Variants in PFKFB3 observed in about 807,000 individuals in gnomAD.
The protein encoded by PFKFB3 is 6-phosphofructo-2-kinase/fructose-2,6-bisphosphatase 3.
Under a neutral mutation model 68.0 loss-of-function variants are expected in PFKFB3, and 33 were observed. The ratio of observed to expected loss-of-function variants is 0.49; its 90% CI spans 0.37 to 0.65. The LOEUF is 0.65. Ranked by LOEUF, PFKFB3 falls within the 30% of genes least tolerant of loss-of-function variation. The pLI is 0.00. For synonymous variants in PFKFB3, 315 were observed against 288.2 expected, an observed-to-expected ratio of 1.09 and a Z score of -0.94; for missense variants, 586 against 712.2, an observed-to-expected ratio of 0.82 and a Z score of 2.02.
chr10:6,180,062 G>T (rs541008299), intron 1 of PFKFB3, among the ~76,000 whole-genome samples: 34 of 151,802 alleles, frequency 2.2e-4, no homozygotes, highest in African/African-American at 7.7e-4. Flanking sequence ...ATGTGTGTGG[G>T]CCAGGCTCGG....
the PFKFB3 span, among the ~76,000 whole-genome samples, chr10:6,285,339 T>C: frequency 6.6e-6 from 1 of 152,004 alleles, no homozygotes; most frequent in Non-Finnish European, 1.5e-5. Flanking sequence ...ATTCAAGCGA[T>C]TGTCCTGCCT....
At chr10:6,204,421 A>G (rs980444548) in intron 1 of PFKFB3, among the ~76,000 whole-genome samples, 1 of 152,156 alleles carries the variant, frequency 6.6e-6, no homozygotes, top group South Asian at 2.1e-4. Context: ...CCCGGCTACT[A>G]CGTTTCTTAG....
At chr10:6,184,771 C>CTTTTTTTTT (rs35388630) in intron 1 of PFKFB3, among the ~76,000 whole-genome samples, 14 of 121,416 alleles carry the variant, frequency 1.2e-4, no homozygotes, top group African/African-American at 4.1e-4. Context: ...CGCGCCTGGC[C>CTTTTTTTTT]TTTTTTTTTT....
At chr10:6,238,477 C>CAAAAAAAAAA (rs71390201), downstream of PFKFB3, among the ~76,000 whole-genome samples, 1 of 89,556 alleles carries the variant, frequency 1.1e-5, no homozygotes, top group African/African-American at 6.9e-5. Context: ...GGTGCCATCT[C>CAAAAAAAAAA]AAAAAAAAAA....
chr10:6,275,944 C>T, the PFKFB3 span, among the ~76,000 whole-genome samples: 1 of 152,152 alleles, frequency 6.6e-6, no homozygotes, highest in South Asian at 2.1e-4. The surrounding 1 kb of genome is among the most constrained non-coding windows in gnomAD (Gnocchi z 4.9). Flanking sequence ...GACAGGCTTT[C>T]TTCATGCTGG....
At chr10:6,247,009 A>G (rs980455150) in intron 14 of PFKFB3, among the ~76,000 whole-genome samples, 20 of 152,216 alleles carry the variant, frequency 1.3e-4, no homozygotes, top group African/African-American at 4.1e-4. Flanking sequence ...CGGACATGCA[A>G]CAAGTCCCAA....
At chr10:6,258,224 A>AG (rs1337531633), downstream of PFKFB3, among the ~76,000 whole-genome samples, 1 of 152,232 alleles carries the variant, frequency 6.6e-6, no homozygotes, top group Admixed American at 6.5e-5. Flanking sequence ...ATGCACATAC[A>AG]GAAAAAAGTC....
chr10:6,305,341 T>C, the PFKFB3 span, among the ~76,000 whole-genome samples: 2 of 140,046 alleles, frequency 1.4e-5, no homozygotes, highest in African/African-American at 5.3e-5. Flanking sequence ...ATTAAAAATA[T>C]TAGGAATTTT....
the PFKFB3 span, among the ~76,000 whole-genome samples, chr10:6,313,737 C>A: frequency 9.2e-5 from 14 of 152,312 alleles, no homozygotes; most frequent in East Asian, 2.7e-3. The surrounding 1 kb of genome is among the most constrained non-coding windows in gnomAD (Gnocchi z 4.2). Context: ...CAGTTCCCAG[C>A]CTAATCCCTG....
rs1029019416 is a variant in PFKFB3, at chr10:6,170,988, C to T, written c.16+25975C>T. The stretch of plus-strand genomic sequence containing the variant: ...CTTCCTTAGGGCAAAAGGATTACTC[C>T]GTGCAGGAAGGAAATATTACAAAGT... On this transcript the variant is annotated intron_variant, in intron 1 of 14. Coordinates refer to the PFKFB3 transcript ENST00000379789. 9.9e-5 allele frequency among the ~76,000 whole-genome samples: 15 copies of T among 152,246 alleles called. No individual in the cohort carries two copies. In the East Asian group the frequency reaches 2.5e-3, roughly 25 times the overall value.
chr10:6,171,427 G>A (rs1200031280), intron 1 of PFKFB3, among the ~76,000 whole-genome samples: 3 of 145,314 alleles, frequency 2.1e-5, no homozygotes, highest in Non-Finnish European at 3.0e-5. Flanking sequence ...AGACTGTCTC[G>A]TTCTGTTGCT....
At chr10:6,177,480 C>CTTTCTTTCTTTCTTTCTTTCTT (rs200215682) in intron 1 of PFKFB3, among the ~76,000 whole-genome samples, 1 of 119,120 alleles carries the variant, frequency 8.4e-6, no homozygotes, top group Non-Finnish European at 1.8e-5. Context: ...TTCTTTCTTT[C>CTTTCTTTCTTTCTTTCTTTCTT]TTTCTTTTTC....
chr10:6,157,637 C>T (rs917421679), intron 1 of PFKFB3, among the ~76,000 whole-genome samples: 1 of 152,168 alleles, frequency 6.6e-6, no homozygotes, highest in African/African-American at 2.4e-5. Context: ...CACCCCATTT[C>T]CCGGGTCCTG....
At chr10:6,164,102 G>T (rs369093725) in intron 1 of PFKFB3, 1 of 152,390 alleles carries the variant, frequency 6.6e-6, no homozygotes, top group East Asian at 1.9e-4. Context: ...TAGGCATCTG[G>T]ACTCTGCGGG....
At chr10:6,230,064 C>G (rs550883440) in intron 14 of PFKFB3, among the ~76,000 whole-genome samples, 15 of 152,316 alleles carry the variant, frequency 9.8e-5, no homozygotes, top group African/African-American at 2.9e-4. Flanking sequence ...AGAAATCTTT[C>G]TACTGGGAGG....
intron 1 of PFKFB3, among the ~76,000 whole-genome samples, chr10:6,206,493 C>T (rs1349004455): frequency 1.6e-5 from 2 of 128,974 alleles, no homozygotes; most frequent in Admixed American, 1.5e-4. Flanking sequence ...GGGTGGTGGC[C>T]GGGCAGAGGG....
intron 13 of PFKFB3, among the ~76,000 whole-genome samples, chr10:6,224,981 G>C (rs903336033): frequency 3.6e-4 from 54 of 151,526 alleles, no homozygotes; most frequent in African/African-American, 1.0e-3. Context: ...GCAGAGGCCT[G>C]GGGGGTGGCG....
At chr10:6,212,029 G>A (rs1445660934) in intron 1 of PFKFB3, among the ~76,000 whole-genome samples, 1 of 152,244 alleles carries the variant, frequency 6.6e-6, no homozygotes, top group Non-Finnish European at 1.5e-5. Context: ...CGCAGCATAA[G>A]CCTGCTCAGC....
At chr10:6,221,280 C>G in intron 8 of PFKFB3, 101 bp from the exon 9 acceptor site, 1 of 1,425,650 alleles carries the variant, frequency 7.0e-7, no homozygotes, top group Non-Finnish European at 9.5e-7. Flanking sequence ...CACGGTGTAA[C>G]CAGGTAGTGC....
Sources: gnomAD v4.1 joint callset for allele counts (sites outside exome capture counted in the v4.1 genomes callset) on GRCh38, gnomAD v4.1.1 for gene constraint, Gnocchi (gnomAD v3.1) non-coding constraint, MANE v1.5 for transcripts, NCBI Gene and HGNC (gene_info 2026-07-23, HGNC 2026-07-21) for gene names.